The following GPR176 variants were observed in gnomAD, a reference collection of about 807,000 sequenced individuals.
GPR176 encodes the protein G protein-coupled receptor 176.
GPR176 carries 26 observed loss-of-function variants against 35.4 expected under a neutral mutation model. That is an observed-to-expected ratio of 0.74 (90% CI 0.54 to 1.02). The LOEUF is 1.02. GPR176 is among the 50% of genes least tolerant of loss of function. The probability of loss-of-function intolerance (pLI) is 0.00; values close to 1 mark genes in which losing one functional copy is unlikely to be tolerated. For synonymous variants in GPR176, 278 were observed against 271.3 expected (o/e 1.02, Z -0.24); for missense variants, 597 against 665.3 (o/e 0.90, Z 1.13).
chr15:39,833,893 G>A (rs1901243933), intron 1 of GPR176, among the ~76,000 whole-genome samples: 1 of 152,124 alleles, frequency 6.6e-6, no homozygotes, highest in Non-Finnish European at 1.5e-5. Context: ...ATGCACTAGA[G>A]GAAGCCGACA....
chr15:39,889,213 G>C (rs2032776610), intron 1 of GPR176, among the ~76,000 whole-genome samples: 1 of 152,076 alleles, frequency 6.6e-6, no homozygotes, highest in African/African-American at 2.4e-5. Context: ...TTTACAACTA[G>C]GAAAACTAAA....
chr15:39,907,820 A>C lies in GPR176; in HGVS notation c.172+12035T>G, dbSNP rs536499398. ...ACTATTTATATATAAAAAGCTATTG[A>C]TTAAAAATAGATGTTTAGGCCGGGC... is the stretch of plus-strand genomic sequence containing the variant. On this transcript the variant is annotated intron_variant, in intron 1 of 2. Transcript: ENST00000561100. 3.3e-5 allele frequency among the ~76,000 whole-genome samples: 5 copies of C among 152,228 alleles called. No individual in the cohort carries two copies. In the South Asian group the frequency reaches 1.0e-3, roughly 32 times the overall value.
intron 1 of GPR176, among the ~76,000 whole-genome samples, chr15:39,855,730 T>C (rs1463024518): frequency 2.0e-5 from 3 of 152,342 alleles, no homozygotes; most frequent in Admixed American, 2.0e-4. Context: ...AGTTGCCAAA[T>C]ATCCTCTAAT....
intron 1 of GPR176, among the ~76,000 whole-genome samples, chr15:39,857,896 G>A (rs571855293): frequency 1.3e-5 from 2 of 151,434 alleles, no homozygotes; most frequent in African/African-American, 4.8e-5. Context: ...GCGTGAACCT[G>A]GGAGGTGGAG....
chr15:39,811,137 A>G (rs1228550288), intron 1 of GPR176, among the ~76,000 whole-genome samples: 1 of 152,084 alleles, frequency 6.6e-6, no homozygotes, highest in African/African-American at 2.4e-5. Context: ...TTTTTAACTG[A>G]TCTGACAATC....
intron 1 of GPR176, among the ~76,000 whole-genome samples, chr15:39,845,913 G>A (rs2030389113): frequency 6.6e-6 from 1 of 152,158 alleles, no homozygotes; most frequent in Non-Finnish European, 1.5e-5. Flanking sequence ...AAAGGCCAAT[G>A]TACCTGAAGC....
At chr15:39,825,515 T>TTA (rs1376883481) in intron 1 of GPR176, among the ~76,000 whole-genome samples, 1 of 152,080 alleles carries the variant, frequency 6.6e-6, no homozygotes, top group Non-Finnish European at 1.5e-5. Flanking sequence ...TAATTTTATT[T>TTA]TATATATATG....
chr15:39,850,057 T>G (rs568113113), intron 1 of GPR176, among the ~76,000 whole-genome samples: 3 of 152,278 alleles, frequency 2.0e-5, no homozygotes, highest in Admixed American at 2.0e-4. Context: ...ATTTTTAAAA[T>G]GGTACACTTG....
Position 39,801,696 on chromosome 15 carries a change from G to T in GPR176, c.984C>A (p.Arg328=). Reference sequence around the variant, plus strand: ...GCACCAGGGTCCCTATCAAGCACTTGCGGACAGATTTGTTCACAGTAAGAA... The same window carrying T: ...GCACCAGGGTCCCTATCAAGCACTTTCGGACAGATTTGTTCACAGTAAGAA... ...VLFLTVNKSV[R]KCLIGTLVQL... is the part of the protein sequence containing the mutation. The change falls in exon 3 of 3, where the codon CGC becomes CGA. Residue 328 remains arginine (R), a synonymous_variant. Coordinates refer to ENST00000561100, the MANE Select transcript of GPR176 (RefSeq NM_007223.3). The T allele has an allele frequency of 6.2e-7, 1 of 1,613,640 alleles. No individual in the cohort carries two copies. The highest frequency in any genetic ancestry group is 8.5e-7 in the Non-Finnish European group (1 of 1,179,598).
chr15:39,810,978 T>C (rs1899508806), intron 1 of GPR176, among the ~76,000 whole-genome samples: 1 of 152,042 alleles, frequency 6.6e-6, no homozygotes, highest in Admixed American at 6.6e-5. Flanking sequence ...CCAAGAAGAG[T>C]CTCTTGGGTT....
At position 39,799,524 on chromosome 15, in the gene GPR176, GAAGA is replaced by G. The variant is rs2140762363; in HGVS notation, c.*1604_*1607del. ...GAAACACAAGACACCACACCCAAGA[GAAGA>G]AAGGAAAACAAAACTCCCTACAGGG... is the stretch of plus-strand genomic sequence containing the variant. On this transcript the variant is annotated 3_prime_UTR_variant, in exon 3 of 3. Transcript: ENST00000561100. 1 of 152,362 alleles carries G rather than the reference GAAGA, an allele frequency of 6.6e-6. No individual in the cohort carries two copies. Among genetic ancestry groups the G allele is most frequent in the East Asian group, 1.9e-4 (1 of 5,184 alleles). 9.4% of individuals were successfully genotyped at this position (152,362 alleles called of 1,614,324 possible). A position where few individuals can be genotyped will look rare whatever the true frequency, so the allele number is the denominator to read the frequency against.
At chr15:39,889,548 A>AAAAATAAAATAAAATAAAATAAAAT (rs201122190) in intron 1 of GPR176, among the ~76,000 whole-genome samples, 51 of 132,782 alleles carry the variant, frequency 3.8e-4, no homozygotes, top group African/African-American at 5.6e-4. Flanking sequence ...ATTCCATCTC[A>AAAAATAAAATAAAATAAAATAAAAT]AAAATAAAAT....
intron 1 of GPR176, among the ~76,000 whole-genome samples, chr15:39,905,801 A>G (rs1376651005): frequency 6.8e-6 from 1 of 147,522 alleles, no homozygotes; most frequent in Non-Finnish European, 1.5e-5. Flanking sequence ...CCAAGGGTGA[A>G]GGAGGGGATC....
At chr15:39,810,262 TA>T (rs370199875) in intron 1 of GPR176, among the ~76,000 whole-genome samples, 7 of 151,862 alleles carry the variant, frequency 4.6e-5, no homozygotes, top group Non-Finnish European at 8.8e-5. Flanking sequence ...AAATAAAAGT[TA>T]AAAAAAATAC....
At chr15:39,808,907 A>G (rs977190698) in intron 1 of GPR176, among the ~76,000 whole-genome samples, 1 of 152,188 alleles carries the variant, frequency 6.6e-6, no homozygotes, top group Admixed American at 6.5e-5. Context: ...CATAAGTATG[A>G]AACTGGGAAC....
Position 39,801,653 on chromosome 15 carries a change from T to C in GPR176, c.1027A>G (p.Ser343Gly), listed in dbSNP as rs1898871781. The change falls in exon 3 of 3, where the codon AGT becomes GGT. Residue 343 changes from serine to glycine, a missense_variant. Physicochemically the swap from Ser to Gly is moderately conservative, Grantham distance 56 (BLOSUM62 0). Around this residue, in one of 3 missense-constraint regions of GPR176, gnomAD observed 251 missense variants for 255.4 expected, o/e 0.98. Coordinates refer to ENST00000561100, the MANE Select transcript of GPR176 (RefSeq NM_007223.3). ...GTLVQLHHRY[S>G]RRNVVSTGSG... ...CCTGTACTGACCACATTACGGCGAC[T>C]GTACCGGTGGTGTAGTTGCACCAGG... is the stretch of plus-strand genomic sequence containing the variant. The C allele has an allele frequency of 6.2e-7, 1 of 1,613,948 alleles. No individual in the cohort carries two copies. Among genetic ancestry groups the C allele is most frequent in the African/African-American group, 1.3e-5 (1 of 74,920 alleles).
intron 1 of GPR176, among the ~76,000 whole-genome samples, chr15:39,878,479 T>TGC (rs971051585): frequency 6.6e-6 from 1 of 151,558 alleles, no homozygotes; most frequent in Non-Finnish European, 1.5e-5. Flanking sequence ...TATTTGTGTG[T>TGC]GTGTGTGTGT....
At chr15:39,850,495 A>T (rs1418538957) in intron 1 of GPR176, among the ~76,000 whole-genome samples, 3 of 152,206 alleles carry the variant, frequency 2.0e-5, no homozygotes, top group Admixed American at 2.0e-4. Flanking sequence ...ACCATATAAC[A>T]TTCTTGCAAA....
intron 1 of GPR176, among the ~76,000 whole-genome samples, chr15:39,858,719 C>T (rs551923338): frequency 5.9e-5 from 9 of 152,218 alleles, no homozygotes; most frequent in Admixed American, 3.9e-4. Flanking sequence ...AGGATAATAA[C>T]TCACAATTAA....
Sources: gnomAD v4.1 joint callset for allele counts (sites outside exome capture counted in the v4.1 genomes callset) on GRCh38, gnomAD v4.1.1 for gene constraint, gnomAD v4.1.1 regional missense constraint, MANE v1.5 for transcripts, NCBI Gene and HGNC (gene_info 2026-07-23, HGNC 2026-07-21) for gene names.